Variants in ZNF780A observed in about 807,000 individuals in gnomAD.
ZNF780A encodes the protein zinc finger protein 780A.
In ZNF780A, 40 loss-of-function variants were observed where a neutral mutation model predicts 56.7. The observed-to-expected ratio is 0.71, with a 90% CI of 0.55 to 0.92. The LOEUF (loss-of-function observed/expected upper bound fraction) is 0.92, where lower values mean the gene tolerates loss of function less well. Ranked by LOEUF, ZNF780A falls within the 40% of genes least tolerant of loss-of-function variation. ZNF780A has a pLI of 0.00. For missense variants in ZNF780A, 672 were observed against 783.3 expected, an observed-to-expected ratio of 0.86 and a Z score of 1.70; for synonymous variants, 231 against 248.3, an observed-to-expected ratio of 0.93 and a Z score of 0.66.
chr19:40,070,080 C>T (rs1973767496), downstream of ZNF780A: 1 of 152,066 alleles, frequency 6.6e-6, no homozygotes, highest in Non-Finnish European at 1.5e-5. Context: ...ACCCCAATGT[C>T]CTAATGAAAA....
At chr19:40,070,165 A>C (rs1368693122), downstream of ZNF780A, 1 of 152,228 alleles carries the variant, frequency 6.6e-6, no homozygotes, top group Non-Finnish European at 1.5e-5. Context: ...TTACTCCAAT[A>C]AGATATGAAT....
intron 5 of ZNF780A, 99 bp downstream of exon 5, chr19:40,081,720 A>C: frequency 9.6e-7 from 1 of 1,039,982 alleles, no homozygotes; most frequent in Non-Finnish European, 1.5e-6. Flanking sequence ...TGGGTCACTG[A>C]AGAAAGCTTT....
At chr19:40,086,464 A>C (rs1974800546) in intron 2 of ZNF780A, among the ~76,000 whole-genome samples, 1 of 152,208 alleles carries the variant, frequency 6.6e-6, no homozygotes, top group Admixed American at 6.5e-5. Flanking sequence ...ATATAATTAG[A>C]TATTCTCATT....
intron 2 of ZNF780A, chr19:40,085,371 A>G (rs956185752): frequency 2.0e-6 from 2 of 982,514 alleles, no homozygotes; most frequent in Non-Finnish European, 2.4e-6. Flanking sequence ...CACTTAATAG[A>G]ATACAAAGTA....
rs1459800534 is a variant in ZNF780A, at chr19:40,090,349, AG to A, written c.-115-115del. The stretch of plus-strand genomic sequence containing the variant: ...TTCCCTCACTTCACACGAAATAGGA[AG>A]GAAGTAAAAGGAAGAGGAATCGATT... On this transcript the variant is annotated intron_variant, in intron 1 of 5. Transcript: ENST00000683561. The A allele has an allele frequency of 2.0e-5, 3 of 152,204 alleles. No homozygotes were observed. In the East Asian group the frequency reaches 5.8e-4, roughly 29 times the overall value. The allele number at this position is 152,204 out of a possible 1,614,324, so 9.4% of individuals were successfully genotyped here. A position where few individuals can be genotyped will look rare whatever the true frequency, so the allele number is the denominator to read the frequency against.
At chr19:40,086,236 T>C (rs1211268596) in intron 2 of ZNF780A, among the ~76,000 whole-genome samples, 1 of 152,194 alleles carries the variant, frequency 6.6e-6, no homozygotes, top group Non-Finnish European at 1.5e-5. Context: ...TGTTTTTCTA[T>C]GTATGTTGGA....
chr19:40,070,409 A>G (rs1424534436), downstream of ZNF780A: 1 of 152,220 alleles, frequency 6.6e-6, no homozygotes, highest in African/African-American at 2.4e-5. Context: ...TTCAAGGTCC[A>G]CCAATCTTCT....
downstream of ZNF780A, chr19:40,071,720 T>A (rs977709429): frequency 1.3e-5 from 2 of 152,388 alleles, no homozygotes; most frequent in East Asian, 3.8e-4. Flanking sequence ...TGTACTTAAA[T>A]GTTTTCTGAC....
At chr19:40,082,904 G>A (rs1214218001) in intron 4 of ZNF780A, among the ~76,000 whole-genome samples, 1 of 152,188 alleles carries the variant, frequency 6.6e-6, no homozygotes, top group African/African-American at 2.4e-5. Flanking sequence ...GAGGACCAGC[G>A]TAACGAAGGA....
At chr19:40,078,139 T>C (rs1974260831) in intron 5 of ZNF780A, among the ~76,000 whole-genome samples, 1 of 151,514 alleles carries the variant, frequency 6.6e-6, no homozygotes, top group African/African-American at 2.4e-5. Flanking sequence ...AACTGAATAA[T>C]TCATTGAATA....
At position 40,084,768 on chromosome 19, in the gene ZNF780A, A is replaced by C. The variant is rs766972464; in HGVS notation, c.-15T>G. Reference sequence around the variant, plus strand: ...ACATGGACCATGTTGCTAGAATTACAAAACTGGTCAATCTTCCTCGGGCTT... The same window carrying C: ...ACATGGACCATGTTGCTAGAATTACCAAACTGGTCAATCTTCCTCGGGCTT... On this transcript the variant is annotated 5_prime_UTR_variant, in exon 3 of 6. Coordinates refer to ENST00000683561, the MANE Select transcript of ZNF780A (RefSeq NM_001142578.2). 27 of 1,552,996 alleles carry C rather than the reference A, an allele frequency of 1.7e-5. No individual in the cohort carries two copies. In the Middle Eastern group the frequency reaches 1.5e-3, roughly 86 times the overall value.
intron 2 of ZNF780A, 78 bp downstream of exon 2, chr19:40,090,088 A>C (rs1196228874): frequency 6.6e-6 from 1 of 152,156 alleles, no homozygotes; most frequent in Non-Finnish European, 1.5e-5. Context: ...CCCTAGTTTC[A>C]CTGAAAATTT....
chr19:40,075,953 T>A lies in ZNF780A; in HGVS notation c.489A>T (p.Lys163Asn). 6.2e-7 allele frequency: 1 copy of A among 1,613,762 alleles called. No homozygotes were observed. The highest frequency in any genetic ancestry group is 8.5e-7 in the Non-Finnish European group (1 of 1,179,836). ...TCCCACATTCCTTACATTCATACGG[T>A]TTATGTGTATTGCAAATAAGAGAAG... ...PHASLICNTH[K>N]PYECKECGKY... The change falls in exon 6 of 6, where the codon AAA (lysine) becomes AAT (asparagine). Residue 163 changes from lysine to asparagine, a missense_variant. Coordinates refer to ENST00000683561, the MANE Select transcript of ZNF780A (RefSeq NM_001142578.2).
intron 5 of ZNF780A, among the ~76,000 whole-genome samples, chr19:40,079,611 T>C (rs1398146468): frequency 6.6e-6 from 1 of 152,082 alleles, no homozygotes; most frequent in Non-Finnish European, 1.5e-5. Context: ...AACAAATTCT[T>C]CAAAACCAAA....
chr19:40,069,938 A>G (rs1397436127), downstream of ZNF780A: 2 of 152,208 alleles, frequency 1.3e-5, no homozygotes, highest in Non-Finnish European at 2.9e-5. Flanking sequence ...AAATGTATCC[A>G]TATTAACGGC....
In ZNF780A at chr19:40,076,094, A is replaced by G; in HGVS notation, c.348T>C (p.Phe116=). 1 of 1,613,846 alleles carries G rather than the reference A, an allele frequency of 6.2e-7. No individual in the cohort carries two copies. The highest frequency in any genetic ancestry group is 8.5e-7 in the Non-Finnish European group (1 of 1,179,948). The part of the protein sequence containing the change: ...QISTTLGIEA[F]YFRNDSEYRQ... ...TATATTCTGAGTCATTTCTAAAATA[A>G]AAGGCCTCAATGCCAAGAGTTGTAC... The change falls in exon 6 of 6, where the codon TTT becomes TTC. Residue 116 remains phenylalanine, a synonymous_variant. Coordinates refer to ENST00000683561, the MANE Select transcript of ZNF780A (RefSeq NM_001142578.2).
At chr19:40,082,873 G>A (rs1243118660) in intron 4 of ZNF780A, among the ~76,000 whole-genome samples, 1 of 152,194 alleles carries the variant, frequency 6.6e-6, no homozygotes, top group Non-Finnish European at 1.5e-5. Flanking sequence ...CCATGGTCAT[G>A]AAGAGAGAGG....
intron 2 of ZNF780A, chr19:40,085,150 C>T: frequency 2.0e-6 from 2 of 985,430 alleles, no homozygotes; most frequent in Non-Finnish European, 2.4e-6. Context: ...CTTAGCAGAT[C>T]CTCCTCCCCC....
Position 40,083,137 on chromosome 19 carries a change from T to A in ZNF780A, c.110A>T (p.Glu37Val). The change falls in exon 4 of 6, where the codon GAG becomes GTG. Residue 37 changes from glutamate to valine, a missense_variant. By Grantham distance (121) the Glu-to-Val change is moderately radical. Coordinates refer to ENST00000683561, the MANE Select transcript of ZNF780A (RefSeq NM_001142578.2). ...CAGTGAGATCAGGTGGCTGTAGTTCTCCAACATCACATCCCTGTACAAGGT... is the reference window on the plus strand; with the variant it reads ...CAGTGAGATCAGGTGGCTGTAGTTCACCAACATCACATCCCTGTACAAGGT... ...QRTLYRDVML[E>V]NYSHLISLGS... 6.2e-7 allele frequency: 1 copy of A among 1,614,192 alleles called. No homozygotes were observed. The highest frequency in any genetic ancestry group is 8.5e-7 in the Non-Finnish European group (1 of 1,180,032).
Sources: gnomAD v4.1 joint callset for allele counts (sites outside exome capture counted in the v4.1 genomes callset) on GRCh38, gnomAD v4.1.1 for gene constraint, MANE v1.5 for transcripts, NCBI Gene and HGNC (gene_info 2026-07-23, HGNC 2026-07-21) for gene names.